AFF3: variants seen among roughly 807,000 people sequenced by gnomAD.
The protein encoded by AFF3 is ALF transcription elongation factor 3.
AFF3 carries 32 observed loss-of-function variants against 129.7 expected under a neutral mutation model. That is an observed-to-expected ratio of 0.25 (90% confidence interval 0.19 to 0.33). AFF3 has a LOEUF of 0.33. Among genes scored for constraint, AFF3 ranks in the 10% least tolerant of loss-of-function variants. The probability of loss-of-function intolerance (pLI) is 1.00; values close to 1 mark genes in which losing one functional copy is unlikely to be tolerated. For missense variants in AFF3, 1,373 were observed against 1,592.0 expected (o/e 0.86, Z 2.34); for synonymous variants, 644 against 635.4 (o/e 1.01, Z -0.20).
intron 3 of AFF3, 192 bp downstream of exon 3, chr2:100,105,312 C>A: frequency 3.3e-6 from 4 of 1,196,690 alleles, no homozygotes; most frequent in Non-Finnish European, 4.2e-6. Flanking sequence ...GCTGTGCCGC[C>A]CGCAGCAGCG....
At position 99,827,128 on chromosome 2, in the gene AFF3, G is replaced by A. The variant is rs186429854; in HGVS notation, c.921+10349C>T. Among the ~76,000 whole-genome samples, 106 of 152,286 alleles carry A rather than the reference G, an allele frequency of 7.0e-4. 2 individuals carry two copies. The East Asian group carries it at 0.013, about 19-fold the overall frequency. On this transcript the variant is annotated intron_variant, in intron 8 of 24. Coordinates refer to ENST00000672756, the MANE Select transcript of AFF3 (RefSeq NM_001386135.1). ...GCAGGTGTCCATGACACATCTAAGT[G>A]GAGCAATCTGGTGGCCGCTGGGCAG...
At chr2:99,747,894 G>T (rs1681303371) in intron 9 of AFF3, among the ~76,000 whole-genome samples, 2 of 152,092 alleles carry the variant, frequency 1.3e-5, no homozygotes, top group African/African-American at 4.8e-5. Context: ...GTTCTAAACT[G>T]TGCCACTCTG....
chr2:100,080,710 C>T (rs982409346), intron 4 of AFF3, among the ~76,000 whole-genome samples: 7 of 152,074 alleles, frequency 4.6e-5, no homozygotes, highest in African/African-American at 1.7e-4. Flanking sequence ...CTGTATGTTG[C>T]CCCCACCCCC....
intron 4 of AFF3, among the ~76,000 whole-genome samples, chr2:100,046,215 T>C (rs1685817374): frequency 6.6e-6 from 1 of 152,172 alleles, no homozygotes; most frequent in Admixed American, 6.5e-5. Context: ...ACAGCTAATG[T>C]TTACATTATC....
At chr2:99,906,197 T>C (rs1694703904) in intron 7 of AFF3, among the ~76,000 whole-genome samples, 1 of 152,214 alleles carries the variant, frequency 6.6e-6, no homozygotes, top group South Asian at 2.1e-4. Context: ...CCTTTGACTG[T>C]TTACTTTTAT....
chr2:99,898,571 C>T (rs1015544287), intron 7 of AFF3, among the ~76,000 whole-genome samples: 3 of 152,160 alleles, frequency 2.0e-5, no homozygotes, highest in Non-Finnish European at 2.9e-5. Flanking sequence ...CCTTTTCCAT[C>T]ATCTTCTCTG....
chr2:99,818,948 G>T (rs1229965640), intron 8 of AFF3, among the ~76,000 whole-genome samples: 1 of 152,060 alleles, frequency 6.6e-6, no homozygotes, highest in Non-Finnish European at 1.5e-5. Flanking sequence ...AACTAAGAAG[G>T]CAAAGACATT....
intron 10 of AFF3, among the ~76,000 whole-genome samples, chr2:99,735,779 C>T (rs771589966): frequency 1.1e-4 from 16 of 152,332 alleles, no homozygotes; most frequent in Admixed American, 2.6e-4. Context: ...AGGCGTGAGC[C>T]ACTGCACCCA....
intron 7 of AFF3, among the ~76,000 whole-genome samples, chr2:99,855,260 C>A (rs760353375): frequency 6.6e-6 from 1 of 152,074 alleles, no homozygotes; most frequent in Non-Finnish European, 1.5e-5. Context: ...TTGCATAAGT[C>A]TGAATACAGT....
intron 7 of AFF3, among the ~76,000 whole-genome samples, chr2:99,905,539 C>T (rs1309294816): frequency 8.5e-5 from 13 of 152,210 alleles, no homozygotes; most frequent in African/African-American, 2.9e-4. Flanking sequence ...GGAGGAACCA[C>T]ACTGGCTTAT....
intron 13 of AFF3, among the ~76,000 whole-genome samples, chr2:99,608,735 CTT>C (rs1680622836): frequency 6.6e-6 from 1 of 152,134 alleles, no homozygotes; most frequent in Admixed American, 6.5e-5. Context: ...ATTACCAAAT[CTT>C]TTGATTTTTT....
chr2:99,583,636 A>G (rs567832691), intron 16 of AFF3, among the ~76,000 whole-genome samples: 1 of 152,294 alleles, frequency 6.6e-6, no homozygotes, highest in Non-Finnish European at 1.5e-5. Context: ...TCGGCCTCCC[A>G]AAGTGCTGGG....
intron 8 of AFF3, among the ~76,000 whole-genome samples, chr2:99,761,188 T>C (rs1270195667): frequency 2.6e-5 from 4 of 151,368 alleles, no homozygotes; most frequent in Non-Finnish European, 4.4e-5. Context: ...GTGACTTCTT[T>C]TTTTTTTTTT....
At chr2:99,883,018 T>C (rs1273039658) in intron 7 of AFF3, among the ~76,000 whole-genome samples, 1 of 152,228 alleles carries the variant, frequency 6.6e-6, no homozygotes, top group African/African-American at 2.4e-5. Flanking sequence ...GAAGAAGTGT[T>C]GAACAATGAT....
chr2:99,942,715 G>A (rs1675174952), intron 7 of AFF3, among the ~76,000 whole-genome samples: 1 of 151,978 alleles, frequency 6.6e-6, no homozygotes, highest in Non-Finnish European at 1.5e-5. Flanking sequence ...GGGAAATGGA[G>A]AAGTCAAGGA....
chr2:100,028,398 A>G (rs1056723252), intron 4 of AFF3, among the ~76,000 whole-genome samples: 3 of 152,202 alleles, frequency 2.0e-5, no homozygotes, highest in African/African-American at 7.2e-5. Flanking sequence ...AAGAAACCTA[A>G]CATGTAATAA....
intron 11 of AFF3, among the ~76,000 whole-genome samples, chr2:99,721,133 T>A (rs931374183): frequency 2.0e-5 from 3 of 152,236 alleles, no homozygotes; most frequent in Non-Finnish European, 4.4e-5. Context: ...ATTTTCTTTG[T>A]CAATTTATTG....
chr2:99,815,062 G>T (rs1226099723), intron 8 of AFF3, among the ~76,000 whole-genome samples: 1 of 151,844 alleles, frequency 6.6e-6, no homozygotes, highest in African/African-American at 2.4e-5. Context: ...AGTGACTGGA[G>T]AACTTTTTTA....
chr2:100,068,627 C>T (rs1687918661), intron 4 of AFF3, among the ~76,000 whole-genome samples: 1 of 152,210 alleles, frequency 6.6e-6, no homozygotes. Context: ...AACACACATA[C>T]TCAGAGTAGA....
Sources: allele counts gnomAD v4.1 joint callset (sites outside exome capture counted in the v4.1 genomes callset), GRCh38; gene constraint gnomAD v4.1.1; transcripts MANE v1.5; gene names NCBI Gene and HGNC (gene_info 2026-07-23, HGNC 2026-07-21).